Variants in ADGRD2 observed in about 807,000 individuals in gnomAD.
ADGRD2 encodes the protein adhesion G protein-coupled receptor D2.
ADGRD2 carries 71 observed loss-of-function variants against 44.4 expected under a neutral mutation model. The observed-to-expected ratio is 1.60, with a 90% confidence interval of 1.32 to 1.95. The LOEUF is 1.95. Ranked by LOEUF, ADGRD2 falls within the 30% of genes most tolerant of loss-of-function variation. ADGRD2 has a pLI of 0.00. For missense variants in ADGRD2, 1,039 were observed against 512.4 expected, an observed-to-expected ratio of 2.03 and a Z score of -9.92; for synonymous variants, 481 against 224.8, an observed-to-expected ratio of 2.14 and a Z score of -10.19.
chr9:124,454,496 G>A lies in ADGRD2; in HGVS notation c.1037G>A (p.Arg346Gln), dbSNP rs777963611. 47 of 715,636 alleles carry A rather than the reference G, an allele frequency of 6.6e-5. 1 individual carries two copies. The highest frequency in any genetic ancestry group is 3.4e-4 in the South Asian group (23 of 67,552). 44.3% of individuals were successfully genotyped at this position (715,636 alleles called of 1,614,324 possible). A position where few individuals can be genotyped will look rare whatever the true frequency, so the allele number is the denominator to read the frequency against. Residue 346 changes from arginine to glutamine, a missense_variant, in exon 5 of 22, where the codon CGG becomes CAG. By Grantham distance (43) the Arg-to-Gln change is conservative. Coordinates refer to ENST00000334810, the Ensembl canonical transcript of ADGRD2. This position sits in a 1 kb window ranked among gnomAD's most constrained non-coding sequence, Gnocchi z 4.5. ...CACTCCTTTGCAGAGCCCTATCGTCGGCTGCAGGATGCCCAGTCGTGGCCT... is the reference window on the plus strand; with the variant it reads ...CACTCCTTTGCAGAGCCCTATCGTCAGCTGCAGGATGCCCAGTCGTGGCCT...
rs1831577164 is a variant in ADGRD2 at position 124,454,562 on chromosome 9, A to C, written c.1103A>C (p.Asp368Ala). Residue 368 changes from aspartate (D) to alanine (A), a missense_variant, in exon 5 of 22, where the codon GAC becomes GCC. Physicochemically the swap from Asp to Ala is moderately radical, Grantham distance 126. Coordinates refer to ENST00000334810, the Ensembl canonical transcript of ADGRD2. The surrounding 1 kb of genome is among the most constrained non-coding windows in gnomAD (Gnocchi z 4.5). ...AGCCGAGTCAATGCCTTGGCCAACG[A>C]CATTGTGGTGAGCTCCCTCTCAGGG... 1.4e-6 allele frequency: 1 copy of C among 716,584 alleles called. No individual in the cohort carries two copies. Among genetic ancestry groups the C allele is most frequent in the South Asian group, 1.5e-5 (1 of 67,560 alleles). 44.4% of individuals were successfully genotyped at this position (716,584 alleles called of 1,614,324 possible).
intron 10 of ADGRD2, chr9:124,465,650 C>G (rs1831806657): frequency 6.6e-6 from 1 of 152,102 alleles, no homozygotes; most frequent in East Asian, 1.9e-4. Flanking sequence ...CCAAACCCAG[C>G]CGTTAAGATG....
exon 9 of ADGRD2, chr9:124,458,194 C>T: frequency 1.4e-6 from 1 of 718,550 alleles, no homozygotes; most frequent in South Asian, 1.5e-5. Flanking sequence ...GACCTAGAGC[C>T]CCAGGCCCCT....
At chr9:124,457,701 C>T (rs534915751) in intron 8 of ADGRD2, 95 bp downstream of exon 11, 15 of 540,106 alleles carry the variant, frequency 2.8e-5, no homozygotes, top group East Asian at 2.6e-4. Flanking sequence ...TCTTTCAGAT[C>T]CTCAGTTTGC....
Position 124,470,528 on chromosome 9 carries a change from G to C in ADGRD2, c.2674G>C (p.Val892Leu), listed in dbSNP as rs746644681. 4 of 711,194 alleles carry C rather than the reference G, an allele frequency of 5.6e-6. No individual in the cohort carries two copies. In the Admixed American group the frequency reaches 6.0e-5, roughly 11 times the overall value. The allele number at this position is 711,194 out of a possible 1,614,324, so 44.1% of individuals were successfully genotyped here. The stretch of plus-strand genomic sequence containing the variant: ...GAAGCCCGTGCTGGTCCTGCTGCCC[G>C]TCCTAGGCCTGACCTGGCTGGCAGG... The change falls in exon 17 of 22, where the codon GTC becomes CTC. Residue 892 changes from valine to leucine, a missense_variant. Coordinates refer to ENST00000334810, the Ensembl canonical transcript of ADGRD2.
At chr9:124,456,731 C>G in exon 7 of ADGRD2, 1 of 707,058 alleles carries the variant, frequency 1.4e-6, no homozygotes, top group Non-Finnish European at 2.6e-6. Context: ...CACCGCCATG[C>G]TGGTGAGCCT....
In ADGRD2 at chr9:124,454,807, AACCAG is replaced by A; in HGVS notation, c.1109-32_1109-28del. 1 of 654,898 alleles carries A rather than the reference AACCAG, an allele frequency of 1.5e-6. No homozygotes were observed. Among genetic ancestry groups the A allele is most frequent in the East Asian group, 2.7e-5 (1 of 36,604 alleles). The allele number at this position is 654,898 out of a possible 1,614,324, so 40.6% of individuals were successfully genotyped here. A position where few individuals can be genotyped will look rare whatever the true frequency, so the allele number is the denominator to read the frequency against. On this transcript the variant is annotated intron_variant, in intron 5 of 21. Transcript: ENST00000334810. The surrounding 1 kb of genome is among the most constrained non-coding windows in gnomAD (Gnocchi z 4.5). ...GCCCTTGGGGGGATCCCCTCATAAC[AACCAG>A]ACCCAGAGTCAGTGGCTCCTCTGTC...
chr9:124,468,660 G>A (rs938577310), exon 14 of ADGRD2: 12 of 716,348 alleles, frequency 1.7e-5, no homozygotes, highest in African/African-American at 3.5e-5. Flanking sequence ...GCTCTACCAC[G>A]CCACAGGCTG....
chr9:124,456,060 T>C (rs1057488299), intron 6 of ADGRD2, among the ~76,000 whole-genome samples: 3 of 152,160 alleles, frequency 2.0e-5, no homozygotes, highest in African/African-American at 4.8e-5. Flanking sequence ...TGCAAGCCCA[T>C]AGTTGATTAG....
intron 7 of ADGRD2, 128 bp downstream of exon 10, chr9:124,456,861 G>A: frequency 4.6e-6 from 3 of 654,954 alleles, no homozygotes; most frequent in Admixed American, 4.3e-5. Context: ...GCTGTGCCCT[G>A]CATCCAGAAT....
rs9987946 is a variant in ADGRD2 at position 124,476,352 on chromosome 9, C to A, written c.2846-5C>A. The stretch of plus-strand genomic sequence containing the variant: ...TCTCTCAAAAATTTGCCTTTTCCTC[C>A]CTAGGGACCTATGGCCCTAGAACTC... On this transcript the variant is annotated splice_polypyrimidine_tract_variant and splice_region_variant and intron_variant, in intron 19 of 21. Transcript: ENST00000334810. The A allele has an allele frequency of 0.015, 10,601 of 696,578 alleles. 736 individuals carry two copies. In the African/African-American group the frequency reaches 0.16, roughly 10 times the overall value. The allele number at this position is 696,578 out of a possible 1,614,324, so 43.1% of individuals were successfully genotyped here.
chr9:124,473,739 T>C (rs533762921), intron 17 of ADGRD2, among the ~76,000 whole-genome samples: 1 of 152,274 alleles, frequency 6.6e-6, no homozygotes, highest in East Asian at 1.9e-4. Flanking sequence ...ACAAGGGGCC[T>C]TGGTCAAGGC....
intron 6 of ADGRD2, among the ~76,000 whole-genome samples, chr9:124,455,516 G>C (rs764604410): frequency 1.6e-4 from 24 of 151,988 alleles, no homozygotes; most frequent in Non-Finnish European, 3.1e-4. Flanking sequence ...CTTAAACCCA[G>C]GGGGCGGAGG....
chr9:124,452,289 C>T (rs1184926142), intron 1 of ADGRD2, 135 bp downstream of exon 4: 1 of 634,124 alleles, frequency 1.6e-6, no homozygotes, highest in East Asian at 2.7e-5. Flanking sequence ...ATACCAGGCC[C>T]TGCGAGGAAC....
intron 10 of ADGRD2, 126 bp from the exon 14 acceptor site, chr9:124,466,131 AG>A (rs1425912294): frequency 2.2e-6 from 1 of 459,614 alleles, no homozygotes; most frequent in Non-Finnish European, 4.0e-6. Context: ...AGACCCAGGA[AG>A]GGGCGGTGAC....
rs1588607596 is a variant in ADGRD2, at chr9:124,469,202, C to A, written c.2388-20C>A. ...AAAAGCAGGTGACCCAGCCTTGAGG[C>A]CCCCTTCTCCCTCTCCCAGGCGTGC... On this transcript the variant is annotated intron_variant, in intron 14 of 21. Transcript: ENST00000334810. 1.4e-6 allele frequency: 1 copy of A among 702,454 alleles called. No individual in the cohort carries two copies. Among genetic ancestry groups the A allele is most frequent in the Non-Finnish European group, 2.6e-6 (1 of 380,450 alleles). 43.5% of individuals were successfully genotyped at this position (702,454 alleles called of 1,614,324 possible).
intron 17 of ADGRD2, among the ~76,000 whole-genome samples, chr9:124,473,423 G>A (rs931251652): frequency 5.3e-5 from 8 of 152,218 alleles, no homozygotes; most frequent in Non-Finnish European, 1.0e-4. Context: ...CCGTTTCTAC[G>A]TCTAACCAAA....
chr9:124,467,911 C>T, intron 12 of ADGRD2, 87 bp downstream of exon 15: 1 of 707,998 alleles, frequency 1.4e-6, no homozygotes, highest in Non-Finnish European at 2.6e-6. Flanking sequence ...GGGTGTCCAT[C>T]CTTGGTCCCA....
In ADGRD2 at chr9:124,454,875, G is replaced by T; in HGVS notation, c.1143G>T (p.Gly381=). The T allele has an allele frequency of 2.8e-6, 2 of 709,912 alleles. No homozygotes were observed. Among genetic ancestry groups the T allele is most frequent in the Admixed American group, 4.0e-5 (2 of 49,996 alleles). The allele number at this position is 709,912 out of a possible 1,614,324, so 44.0% of individuals were successfully genotyped here. The change falls in exon 6 of 22, where the codon GGG becomes GGT. Residue 381 remains glycine, a synonymous_variant. Transcript: ENST00000334810. This position sits in a 1 kb window ranked among gnomAD's most constrained non-coding sequence, Gnocchi z 4.5. ...CGGACCCCCTCTCCGAAGTCCATGG[G>T]GCCCTGTCCCCAGCGGAGGCCTCCA...
Sources: allele counts gnomAD v4.1 joint callset (sites outside exome capture counted in the v4.1 genomes callset), GRCh38; gene constraint gnomAD v4.1.1; non-coding constraint Gnocchi (gnomAD v3.1); transcripts MANE v1.5; gene names NCBI Gene and HGNC (gene_info 2026-07-23, HGNC 2026-07-21).